Variants in FNBP4 observed in about 807,000 individuals in gnomAD.
FNBP4 encodes formin-binding protein 4.
Under a neutral mutation model 119.3 loss-of-function variants are expected in FNBP4, and 34 were observed. The ratio of observed to expected loss-of-function variants is 0.28; its 90% CI spans 0.22 to 0.38. The LOEUF (loss-of-function observed/expected upper bound fraction) is 0.38. FNBP4 is among the 10% of genes least tolerant of loss of function. The pLI is 1.00. For synonymous variants in FNBP4, 462 were observed against 430.6 expected, an observed-to-expected ratio of 1.07 and a Z score of -0.90; for missense variants, 1,112 against 1,228.9, an observed-to-expected ratio of 0.90 and a Z score of 1.42.
intron 5 of FNBP4, 46 bp downstream of exon 5, chr11:47,751,097 G>T (rs1184683855): frequency 1.9e-6 from 3 of 1,612,658 alleles, no homozygotes; most frequent in Admixed American, 1.7e-5. Context: ...AAAAGATAAG[G>T]CTTCAATTTC....
chr11:47,750,190 C>A (rs1255812570), intron 6 of FNBP4, among the ~76,000 whole-genome samples: 3 of 151,518 alleles, frequency 2.0e-5, no homozygotes, highest in Non-Finnish European at 4.4e-5. Context: ...ACCAGCCTGA[C>A]CAACATGGTG....
At chr11:47,745,973 TAATGGTTGTAAGTCAAGCAC>T in intron 7 of FNBP4, 63 bp downstream of exon 7, 2 of 1,213,996 alleles carry the variant, frequency 1.6e-6, no homozygotes, top group Non-Finnish European at 2.3e-6. Flanking sequence ...AAAATCCCAA[TAATGGTTGTAAGTCAAGCAC>T]AATGATCCCT....
At chr11:47,741,722 C>T (rs1023920253) in intron 8 of FNBP4, among the ~76,000 whole-genome samples, 24 of 151,888 alleles carry the variant, frequency 1.6e-4, no homozygotes, top group African/African-American at 4.8e-4. Context: ...CGGCTGAGGC[C>T]GGGGAATCGC....
At chr11:47,744,651 G>C (rs2097586879) in intron 7 of FNBP4, among the ~76,000 whole-genome samples, 1 of 152,122 alleles carries the variant, frequency 6.6e-6, no homozygotes, top group Non-Finnish European at 1.5e-5. Flanking sequence ...GAGATGTTTT[G>C]ACACAGGTAT....
chr11:47,754,516 A>C lies in FNBP4; in HGVS notation c.450+12T>G. 6.2e-7 allele frequency: 1 copy of C among 1,610,648 alleles called. No homozygotes were observed. The highest frequency in any genetic ancestry group is 8.5e-7 in the Non-Finnish European group (1 of 1,178,916). On this transcript the variant is annotated intron_variant, in intron 3 of 16. Coordinates refer to ENST00000263773, the MANE Select transcript of FNBP4 (RefSeq NM_015308.5). Reference sequence around the variant, plus strand: ...TTCAGTAACTAAAACTCCAAACGAAAGCACCACTAACCGCTAGGAAGTTGG... The same window carrying C: ...TTCAGTAACTAAAACTCCAAACGAACGCACCACTAACCGCTAGGAAGTTGG...
Position 47,716,526 on chromosome 11 carries a change from T to TA in FNBP4, c.*895dup, listed in dbSNP as rs887844472. On this transcript the variant is annotated 3_prime_UTR_variant, in exon 17 of 17. Transcript: ENST00000263773. ...GCAAAAGGATAACCCATCAGGATTA[T>TA]AAAAAAAGCTTTATTAGTGCATATA... 5 of 152,540 alleles carry TA rather than the reference T, an allele frequency of 3.3e-5. No individual in the cohort carries two copies. The highest frequency in any genetic ancestry group is 1.2e-4 in the African/African-American group (5 of 41,412). The allele number at this position is 152,540 out of a possible 1,614,324, so 9.4% of individuals were successfully genotyped here. A position where few individuals can be genotyped will look rare whatever the true frequency, so the allele number is the denominator to read the frequency against.
rs956372894 is a variant in FNBP4 at position 47,751,046 on chromosome 11, T to C, written c.786-10A>G. 6.2e-7 allele frequency: 1 copy of C among 1,613,000 alleles called. No homozygotes were observed. The highest frequency in any genetic ancestry group is 1.1e-5 in the South Asian group (1 of 90,918). The stretch of plus-strand genomic sequence containing the variant: ...AGCACCTGGCACAGAACTAAAAAAA[T>C]ATATACTTAGCAAGAGAAATATAAG... On this transcript the variant is annotated splice_polypyrimidine_tract_variant and intron_variant, in intron 5 of 16. Transcript: ENST00000263773.
At chr11:47,742,477 C>CAAAAAAA (rs568784009) in intron 8 of FNBP4, among the ~76,000 whole-genome samples, 1,026 of 23,766 alleles carry the variant, frequency 0.043, 299 homozygotes, top group Non-Finnish European at 0.057. Flanking sequence ...GACTCCGTCT[C>CAAAAAAA]AAAAAAAAAA....
At chr11:47,719,474 T>C (rs988293930) in intron 16 of FNBP4, among the ~76,000 whole-genome samples, 2 of 152,174 alleles carry the variant, frequency 1.3e-5, no homozygotes, top group Non-Finnish European at 2.9e-5. Context: ...GGGGAAAAAC[T>C]TTATTCTAAT....
In FNBP4 at chr11:47,746,246, A is replaced by T. The variant is rs1191339012; in HGVS notation, c.1055T>A (p.Val352Asp). 1 of 1,614,122 alleles carries T rather than the reference A, an allele frequency of 6.2e-7. No homozygotes were observed. Among genetic ancestry groups the T allele is most frequent in the Non-Finnish European group, 8.5e-7 (1 of 1,180,024 alleles). ...TGTACTTGTTTCTTTTACTTCTGAAACTGGCTCCTCTTTACAAATTACTTT... is the reference window on the plus strand; with the variant it reads ...TGTACTTGTTTCTTTTACTTCTGAATCTGGCTCCTCTTTACAAATTACTTT... ...RRKVICKEEP[V>D]SEVKETSTTV... The change falls in exon 7 of 17, where the codon GTT (valine) becomes GAT (aspartate). Residue 352 changes from valine (V) to aspartate (D), a missense_variant. Physicochemically the swap from Val to Asp is radical, Grantham distance 152. Around this residue, in one of 2 missense-constraint regions of FNBP4, gnomAD observed 826 missense variants for 988.8 expected, o/e 0.84. Transcript: ENST00000263773.
intron 2 of FNBP4, among the ~76,000 whole-genome samples, chr11:47,759,498 A>G (rs1408059042): frequency 3.3e-5 from 5 of 151,920 alleles, no homozygotes; most frequent in Admixed American, 3.3e-4. Flanking sequence ...ACAGGCGTGA[A>G]CCATGGCGCC....
At chr11:47,734,933 A>G (rs2097571921) in intron 9 of FNBP4, among the ~76,000 whole-genome samples, 1 of 150,658 alleles carries the variant, frequency 6.6e-6, no homozygotes, top group South Asian at 2.1e-4. Context: ...AGATTGTGCC[A>G]CTGCAATCCA....
chr11:47,737,360 T>A (rs556652976), intron 8 of FNBP4, among the ~76,000 whole-genome samples: 1 of 152,184 alleles, frequency 6.6e-6, no homozygotes, highest in Non-Finnish European at 1.5e-5. Context: ...CAATTACTTA[T>A]AATAGCTAGA....
At chr11:47,745,746 G>A (rs1040795217) in intron 7 of FNBP4, among the ~76,000 whole-genome samples, 4 of 152,112 alleles carry the variant, frequency 2.6e-5, no homozygotes, top group African/African-American at 7.2e-5. Flanking sequence ...TGTCACCCCC[G>A]GCGGCCCAGC....
At chr11:47,736,000 C>A (rs2097573468) in intron 9 of FNBP4, among the ~76,000 whole-genome samples, 1 of 151,988 alleles carries the variant, frequency 6.6e-6, no homozygotes, top group Non-Finnish European at 1.5e-5. Flanking sequence ...ATGGTGTGAA[C>A]CCAGGAGGCG....
intron 6 of FNBP4, among the ~76,000 whole-genome samples, chr11:47,747,664 C>T (rs2097593281): frequency 6.6e-6 from 1 of 151,942 alleles, no homozygotes. Flanking sequence ...GTGAACTATT[C>T]CTAGGCCGGG....
At chr11:47,765,435 G>C in intron 1 of FNBP4, 73 bp from the exon 2 acceptor site, 1 of 1,022,718 alleles carries the variant, frequency 9.8e-7, no homozygotes, top group African/African-American at 1.7e-5. Flanking sequence ...TCAGATTCCA[G>C]ACCAGAGAAA....
intron 12 of FNBP4, chr11:47,729,386 C>T: frequency 1.0e-6 from 1 of 985,292 alleles, no homozygotes; most frequent in African/African-American, 1.7e-5. Flanking sequence ...GAATCCACTC[C>T]ATCTTTAAAA....
At position 47,738,847 on chromosome 11, in the gene FNBP4, A is replaced by ATT. The variant is rs71045510; in HGVS notation, c.1457-2109_1457-2108dup. Among the ~76,000 whole-genome samples, 199 of 110,952 alleles carry ATT rather than the reference A, an allele frequency of 1.8e-3. 10 individuals are homozygous for ATT. Among genetic ancestry groups the ATT allele is most frequent in the African/African-American group, 4.7e-3 (143 of 30,696 alleles). The allele number at this position is 110,952 out of a possible 152,430, so 72.8% of individuals were successfully genotyped here. A position where few individuals can be genotyped will look rare whatever the true frequency, so the allele number is the denominator to read the frequency against. On this transcript the variant is annotated intron_variant, in intron 8 of 16. Transcript: ENST00000263773. ...AGGTGTTTGCCACCATGCCCAGGTA[A>ATT]TTTTTTTTTTTTTTTTTTTTTTTTT...
Sources: allele counts gnomAD v4.1 joint callset (sites outside exome capture counted in the v4.1 genomes callset), GRCh38; gene constraint gnomAD v4.1.1; regional missense constraint gnomAD v4.1.1; transcripts MANE v1.5; gene names NCBI Gene and HGNC (gene_info 2026-07-23, HGNC 2026-07-21).